UBL3: variants seen among roughly 807,000 people sequenced by gnomAD.
The protein encoded by UBL3 is ubiquitin-like protein 3.
UBL3 carries 6 observed loss-of-function variants against 18.4 expected under a neutral mutation model. That is an observed-to-expected ratio of 0.33 (90% CI 0.18 to 0.64). The LOEUF (loss-of-function observed/expected upper bound fraction) is 0.64, where lower values mean the gene tolerates loss of function less well. Among genes scored for constraint, UBL3 ranks in the 30% least tolerant of loss-of-function variants. UBL3 has a pLI of 0.76. For synonymous variants in UBL3, 49 were observed against 46.6 expected, an observed-to-expected ratio of 1.05 and a Z score of -0.21; for missense variants, 109 against 142.9, an observed-to-expected ratio of 0.76 and a Z score of 1.21.
chr13:29,784,038 C>T (rs1465735899), intron 1 of UBL3, among the ~76,000 whole-genome samples: 1 of 152,142 alleles, frequency 6.6e-6, no homozygotes, highest in Non-Finnish European at 1.5e-5. Context: ...GGCAGAACTA[C>T]CATGATGATT....
At chr13:29,813,422 C>T (rs1315042026) in intron 1 of UBL3, among the ~76,000 whole-genome samples, 2 of 151,808 alleles carry the variant, frequency 1.3e-5, no homozygotes, top group Admixed American at 6.6e-5. Flanking sequence ...CTGGGAAATA[C>T]CAAAACAACT....
chr13:29,780,390 A>ATATGTG (rs755886113), intron 1 of UBL3, among the ~76,000 whole-genome samples: 942 of 92,106 alleles, frequency 0.01, 5 homozygotes, highest in Middle Eastern at 0.019. Context: ...ATATATATAT[A>ATATGTG]TGTGTGTGTG....
chr13:29,810,277 T>C (rs929651597), intron 1 of UBL3, among the ~76,000 whole-genome samples: 4 of 152,098 alleles, frequency 2.6e-5, no homozygotes, highest in Non-Finnish European at 5.9e-5. Context: ...TTGTCTGGGC[T>C]AGAAATACAC....
intron 1 of UBL3, among the ~76,000 whole-genome samples, chr13:29,780,925 G>A (rs2139315373): frequency 6.6e-6 from 1 of 152,276 alleles, no homozygotes; most frequent in East Asian, 1.9e-4. Context: ...TGTAATCCCA[G>A]CACTTTGCGA....
At chr13:29,800,791 G>A (rs1362418896) in intron 1 of UBL3, among the ~76,000 whole-genome samples, 4 of 152,154 alleles carry the variant, frequency 2.6e-5, no homozygotes, top group Non-Finnish European at 5.9e-5. Context: ...TAGCAGCTCT[G>A]AACCTCCCTG....
intron 1 of UBL3, among the ~76,000 whole-genome samples, chr13:29,803,148 GC>G (rs1164937602): frequency 6.6e-6 from 1 of 152,210 alleles, no homozygotes; most frequent in East Asian, 1.9e-4. Context: ...TTCAAATCCA[GC>G]CAAACTAAGT....
intron 1 of UBL3, among the ~76,000 whole-genome samples, chr13:29,787,628 C>T (rs749698872): frequency 6.6e-6 from 1 of 152,100 alleles, no homozygotes; most frequent in East Asian, 1.9e-4. Context: ...CAGCTTTAAC[C>T]GGATTTCAAT....
At chr13:29,803,429 T>C (rs1877821945) in intron 1 of UBL3, among the ~76,000 whole-genome samples, 1 of 152,100 alleles carries the variant, frequency 6.6e-6, no homozygotes, top group African/African-American at 2.4e-5. Context: ...AATCCACACA[T>C]ATCAATATTA....
chr13:29,792,854 G>A (rs2139325744), intron 1 of UBL3, among the ~76,000 whole-genome samples: 1 of 152,296 alleles, frequency 6.6e-6, no homozygotes, highest in Admixed American at 6.5e-5. Flanking sequence ...AAGCAAAAGT[G>A]ACAAATACAT....
intron 1 of UBL3, among the ~76,000 whole-genome samples, chr13:29,813,877 C>T (rs1878184705): frequency 6.6e-6 from 1 of 152,036 alleles, no homozygotes; most frequent in African/African-American, 2.4e-5. Context: ...ACAATATTCT[C>T]ATATGCTTTG....
At chr13:29,831,081 T>A (rs980477001) in intron 1 of UBL3, among the ~76,000 whole-genome samples, 6 of 152,088 alleles carry the variant, frequency 3.9e-5, no homozygotes, top group Non-Finnish European at 8.8e-5. Flanking sequence ...CATAATTCCC[T>A]TTTTCCCAAA....
At chr13:29,785,062 T>C (rs1877275070) in intron 1 of UBL3, among the ~76,000 whole-genome samples, 2 of 152,086 alleles carry the variant, frequency 1.3e-5, no homozygotes, top group African/African-American at 4.8e-5. Flanking sequence ...CACGCCACCA[T>C]GCCCGGCTAA....
At chr13:29,829,793 T>C (rs1347596515) in intron 1 of UBL3, among the ~76,000 whole-genome samples, 1 of 152,228 alleles carries the variant, frequency 6.6e-6, no homozygotes, top group Non-Finnish European at 1.5e-5. Context: ...GGCTGGGAGC[T>C]GTAGACTGGT....
At chr13:29,811,515 T>C (rs536792539) in intron 1 of UBL3, among the ~76,000 whole-genome samples, 1 of 152,164 alleles carries the variant, frequency 6.6e-6, no homozygotes, top group East Asian at 1.9e-4. Flanking sequence ...GGAAATTTAA[T>C]CCTATGCTGC....
intron 1 of UBL3, among the ~76,000 whole-genome samples, chr13:29,830,589 T>A (rs1005013401): frequency 1.3e-5 from 2 of 152,212 alleles, no homozygotes; most frequent in Non-Finnish European, 2.9e-5. Context: ...ATGAACTAGA[T>A]GACTGCTACT....
intron 3 of UBL3, among the ~76,000 whole-genome samples, chr13:29,768,463 G>A (rs554585213): frequency 1.3e-5 from 2 of 152,100 alleles, no homozygotes; most frequent in Middle Eastern, 6.8e-3. Flanking sequence ...TTATGTTTTA[G>A]TTCTGACACC....
At chr13:29,837,422 G>A (rs1443800482) in intron 1 of UBL3, among the ~76,000 whole-genome samples, 1 of 152,124 alleles carries the variant, frequency 6.6e-6, no homozygotes, top group South Asian at 2.1e-4. Flanking sequence ...ACTGGACAGT[G>A]AAAATACAAG....
Position 29,792,340 on chromosome 13 carries a change from T to G in UBL3, c.28-15077A>C, listed in dbSNP as rs1366523968. 2.6e-5 allele frequency among the ~76,000 whole-genome samples: 4 copies of G among 152,306 alleles called. 1 individual carries two copies. The South Asian group carries it at 8.3e-4, about 32-fold the overall frequency. Reference sequence around the variant, plus strand: ...TAACAGACTATTTCCCACAACTATTTTGGAATACAAGCTCTGGAACAGACC... The same window carrying G: ...TAACAGACTATTTCCCACAACTATTGTGGAATACAAGCTCTGGAACAGACC... On this transcript the variant is annotated intron_variant, in intron 1 of 4. Transcript: ENST00000380680.
At position 29,777,052 on chromosome 13, in the gene UBL3, G is replaced by A. The variant is rs114818628; in HGVS notation, c.136+103C>T. On this transcript the variant is annotated intron_variant, in intron 2 of 4. Coordinates refer to ENST00000380680, the MANE Select transcript of UBL3 (RefSeq NM_007106.4). ...TCTGAGCCTTATACTCTCAATTTTCGGTTGTTCTTTTAAATGTTATATAAC... is the reference window on the plus strand; with the variant it reads ...TCTGAGCCTTATACTCTCAATTTTCAGTTGTTCTTTTAAATGTTATATAAC... 362 of 863,202 alleles carry A rather than the reference G, an allele frequency of 4.2e-4. 1 individual carries two copies. The African/African-American group carries it at 5.3e-3, about 13-fold the overall frequency. The allele number at this position is 863,202 out of a possible 1,614,324, so 53.5% of individuals were successfully genotyped here. A position where few individuals can be genotyped will look rare whatever the true frequency, so the allele number is the denominator to read the frequency against.
Sources: allele counts gnomAD v4.1 joint callset (sites outside exome capture counted in the v4.1 genomes callset), GRCh38; gene constraint gnomAD v4.1.1; transcripts MANE v1.5; gene names NCBI Gene and HGNC (gene_info 2026-07-23, HGNC 2026-07-21).